Variants in TAFA5 observed in about 807,000 individuals in gnomAD.
TAFA5 encodes the protein TAFA chemokine like family member 5.
A neutral mutation model predicts 15.3 loss-of-function variants in TAFA5; 6 were observed. The ratio of observed to expected loss-of-function variants is 0.39; its 90% CI spans 0.21 to 0.77. TAFA5 has a LOEUF of 0.77. Among genes scored for constraint, TAFA5 ranks in the 30% least tolerant of loss-of-function variants. The pLI, the probability that TAFA5 is intolerant of heterozygous loss-of-function variation, is 0.41. For missense variants in TAFA5, 161 were observed against 193.1 expected (o/e 0.83, Z 0.98); for synonymous variants, 103 against 80.7 (o/e 1.28, Z -1.48).
chr22:48,659,814 A>C (rs1601650620), intron 2 of TAFA5, among the ~76,000 whole-genome samples: 1 of 152,224 alleles, frequency 6.6e-6, no homozygotes, highest in East Asian at 1.9e-4. Context: ...CACCTCCCTT[A>C]GCGCAGGCCC....
chr22:48,721,781 C>T (rs1365425943), intron 3 of TAFA5, among the ~76,000 whole-genome samples: 1 of 152,100 alleles, frequency 6.6e-6, no homozygotes, highest in African/African-American at 2.4e-5. Context: ...CCAGCCCGGC[C>T]AACATGGTGA....
chr22:48,496,155 C>T (rs1928316177), intron 1 of TAFA5, among the ~76,000 whole-genome samples: 3 of 152,362 alleles, frequency 2.0e-5, no homozygotes, highest in African/African-American at 7.2e-5. Flanking sequence ...CATGCATCCC[C>T]ATCCCCTCTC....
intron 1 of TAFA5, among the ~76,000 whole-genome samples, chr22:48,515,924 C>T (rs897156853): frequency 1.4e-5 from 2 of 147,932 alleles, no homozygotes; most frequent in East Asian, 2.0e-4. Flanking sequence ...GTCGTTCCTC[C>T]AGGTGGGCTG....
At chr22:48,531,921 A>G (rs962674582) in intron 1 of TAFA5, among the ~76,000 whole-genome samples, 20 of 152,204 alleles carry the variant, frequency 1.3e-4, no homozygotes, top group Non-Finnish European at 2.2e-4. Flanking sequence ...ACAGCCAGGC[A>G]CACCACGGAC....
chr22:48,634,784 C>G (rs1401264721), intron 1 of TAFA5, among the ~76,000 whole-genome samples: 1 of 151,326 alleles, frequency 6.6e-6, no homozygotes, highest in Non-Finnish European at 1.5e-5. Context: ...CATTTAGTCA[C>G]TCACTCATTC....
At chr22:48,747,504 C>T (rs777190283) in intron 3 of TAFA5, among the ~76,000 whole-genome samples, 1 of 152,192 alleles carries the variant, frequency 6.6e-6, no homozygotes, top group East Asian at 1.9e-4. Flanking sequence ...CAGTGTCCCT[C>T]GTCCCAGGGG....
intron 1 of TAFA5, among the ~76,000 whole-genome samples, chr22:48,639,818 T>C (rs1057062804): frequency 6.6e-6 from 1 of 152,178 alleles, no homozygotes; most frequent in African/African-American, 2.4e-5. Flanking sequence ...CTTCCTGCCA[T>C]CACCTGCCGG....
intron 1 of TAFA5, among the ~76,000 whole-genome samples, chr22:48,508,114 C>T (rs768187429): frequency 5.3e-5 from 8 of 152,226 alleles, no homozygotes; most frequent in Admixed American, 1.3e-4. Flanking sequence ...AGAGCCAGTA[C>T]GTGGACAGCC....
At chr22:48,602,193 G>GTTTGAATT (rs1481044852) in intron 1 of TAFA5, among the ~76,000 whole-genome samples, 5 of 152,216 alleles carry the variant, frequency 3.3e-5, no homozygotes, top group African/African-American at 1.2e-4. Context: ...TCTCCTTGTA[G>GTTTGAATT]TTTGAATTTG....
chr22:48,536,426 T>A (rs1342350502), intron 1 of TAFA5, among the ~76,000 whole-genome samples: 1 of 152,196 alleles, frequency 6.6e-6, no homozygotes, highest in Non-Finnish European at 1.5e-5. Context: ...CCTGACAGCG[T>A]GTCAGCACCG....
chr22:48,589,593 G>T (rs1924486329), intron 1 of TAFA5, among the ~76,000 whole-genome samples: 1 of 152,224 alleles, frequency 6.6e-6, no homozygotes, highest in South Asian at 2.1e-4. Flanking sequence ...TTGGAAAAAG[G>T]GCCTTTGCAG....
chr22:48,727,108 A>G (rs1929738546), intron 3 of TAFA5, among the ~76,000 whole-genome samples: 1 of 152,214 alleles, frequency 6.6e-6, no homozygotes, highest in Non-Finnish European at 1.5e-5. Context: ...GGAAAGAAAG[A>G]AACATCAGGA....
intron 2 of TAFA5, among the ~76,000 whole-genome samples, chr22:48,679,211 C>T (rs368410266): frequency 1.6e-5 from 2 of 126,038 alleles, no homozygotes; most frequent in Non-Finnish European, 1.6e-5. Context: ...CTCCCGGCTC[C>T]CCGTCCATCC....
At chr22:48,720,103 G>A (rs541364056) in intron 3 of TAFA5, among the ~76,000 whole-genome samples, 1 of 152,300 alleles carries the variant, frequency 6.6e-6, no homozygotes, top group South Asian at 2.1e-4. Flanking sequence ...ATGTGAGGAC[G>A]CTCGCCCGGT....
intron 1 of TAFA5, among the ~76,000 whole-genome samples, chr22:48,625,848 A>C (rs1926009106): frequency 6.6e-6 from 1 of 152,236 alleles, no homozygotes; most frequent in African/African-American, 2.4e-5. Flanking sequence ...CCAACTATTC[A>C]TTCCTCTTTC....
intron 2 of TAFA5, among the ~76,000 whole-genome samples, chr22:48,666,632 G>A (rs950397713): frequency 3.0e-5 from 2 of 67,572 alleles, no homozygotes; most frequent in Admixed American, 1.5e-4. Flanking sequence ...ATTCCCTCTT[G>A]GTGTGGACAT....
chr22:48,582,219 C>T lies in TAFA5; in HGVS notation c.113-64378C>T, dbSNP rs542448819. Among the ~76,000 whole-genome samples the T allele has an allele frequency of 1.4e-4, 22 of 151,964 alleles. No individual in the cohort carries two copies. The South Asian group carries it at 2.1e-3, about 14-fold the overall frequency. ...CCACACACTACACGATGCACACACC[C>T]ACACCACACAAAAAACACAACGCAT... On this transcript the variant is annotated intron_variant, in intron 1 of 3. Transcript: ENST00000402357.
chr22:48,596,936 T>C (rs1303864190), intron 1 of TAFA5, among the ~76,000 whole-genome samples: 1 of 152,188 alleles, frequency 6.6e-6, no homozygotes, highest in Non-Finnish European at 1.5e-5. Flanking sequence ...GCCTCCTGAG[T>C]AGCTGGGATC....
At chr22:48,517,722 A>G (rs1044012320) in intron 1 of TAFA5, among the ~76,000 whole-genome samples, 2 of 151,808 alleles carry the variant, frequency 1.3e-5, no homozygotes, top group Non-Finnish European at 2.9e-5. Flanking sequence ...GGGCACCGAG[A>G]TCCCCACATC....
Sources: allele counts gnomAD v4.1 joint callset (sites outside exome capture counted in the v4.1 genomes callset), GRCh38; gene constraint gnomAD v4.1.1; transcripts MANE v1.5; gene names NCBI Gene and HGNC (gene_info 2026-07-23, HGNC 2026-07-21).